The following AGBL4 variants were observed in gnomAD, a reference collection of about 807,000 sequenced individuals.
AGBL4 encodes the protein cytosolic carboxypeptidase 6.
In AGBL4, 58 loss-of-function variants were observed where a neutral mutation model predicts 66.4. The ratio of observed to expected loss-of-function variants is 0.87; its 90% confidence interval spans 0.71 to 1.09. AGBL4 has a LOEUF of 1.09. Ranked by LOEUF, AGBL4 falls within the 50% of genes least tolerant of loss-of-function variation. The pLI is 0.00. For missense variants in AGBL4, 579 were observed against 631.0 expected, an observed-to-expected ratio of 0.92 and a Z score of 0.88; for synonymous variants, 234 against 222.9, an observed-to-expected ratio of 1.05 and a Z score of -0.44.
intron 2 of AGBL4, among the ~76,000 whole-genome samples, chr1:49,832,243 G>A: frequency 6.6e-6 from 1 of 150,868 alleles, no homozygotes; most frequent in Non-Finnish European, 1.5e-5. Flanking sequence ...GAGAATATGT[G>A]GTGTTTGGTT....
intron 1 of AGBL4, among the ~76,000 whole-genome samples, chr1:49,987,068 A>G (rs1298245495): frequency 6.6e-6 from 1 of 152,048 alleles, no homozygotes; most frequent in Non-Finnish European, 1.5e-5. Flanking sequence ...GAAATGATCT[A>G]TGTATAATAC....
At chr1:49,507,045 C>G (rs1648753801) in intron 3 of AGBL4, among the ~76,000 whole-genome samples, 1 of 151,982 alleles carries the variant, frequency 6.6e-6, no homozygotes, top group Non-Finnish European at 1.5e-5. Context: ...CAGCTGAAGA[C>G]CTGTCTCAAG....
intron 5 of AGBL4, among the ~76,000 whole-genome samples, chr1:48,958,362 C>T (rs1400387274): frequency 6.6e-6 from 1 of 152,208 alleles, no homozygotes; most frequent in Admixed American, 6.5e-5. Flanking sequence ...TCTTCTGCCA[C>T]CATAGTATAG....
intron 3 of AGBL4, among the ~76,000 whole-genome samples, chr1:49,370,680 C>A (rs1304994266): frequency 2.0e-5 from 3 of 152,108 alleles, no homozygotes; most frequent in East Asian, 3.9e-4. Flanking sequence ...TTGTGTGCTT[C>A]CAGTTCTTCA....
intron 2 of AGBL4, among the ~76,000 whole-genome samples, chr1:49,755,417 C>T (rs1310648723): frequency 6.6e-6 from 1 of 152,182 alleles, no homozygotes; most frequent in African/African-American, 2.4e-5. Flanking sequence ...AGTTCTTTGA[C>T]TTTAATCCTT....
At chr1:48,627,347 G>A (rs147486215) in intron 9 of AGBL4, among the ~76,000 whole-genome samples, 32 of 151,942 alleles carry the variant, frequency 2.1e-4, no homozygotes, top group Non-Finnish European at 3.5e-4. Context: ...TTATGTATAC[G>A]TATTTTCTGT....
intron 3 of AGBL4, among the ~76,000 whole-genome samples, chr1:49,263,949 T>C (rs760500686): frequency 4.6e-5 from 7 of 152,292 alleles, no homozygotes; most frequent in Middle Eastern, 3.4e-3. Context: ...TTTGAGCATT[T>C]AAAATGAATG....
At chr1:49,135,825 A>T (rs1645999889) in intron 4 of AGBL4, among the ~76,000 whole-genome samples, 1 of 152,168 alleles carries the variant, frequency 6.6e-6, no homozygotes. Context: ...ACAGTGCTGC[A>T]GAGATTTTGT....
intron 2 of AGBL4, among the ~76,000 whole-genome samples, chr1:49,725,033 GA>G (rs915673479): frequency 9.2e-5 from 14 of 152,040 alleles, no homozygotes; most frequent in Non-Finnish European, 4.4e-5. Context: ...AGGGATGGGG[GA>G]GGGGAGGGAA....
intron 5 of AGBL4, among the ~76,000 whole-genome samples, chr1:49,021,198 A>G (rs577986659): frequency 2.0e-4 from 30 of 152,362 alleles, no homozygotes; most frequent in African/African-American, 6.7e-4. Flanking sequence ...AACAGTTGCT[A>G]GCTATGTGAG....
intron 9 of AGBL4, among the ~76,000 whole-genome samples, chr1:48,624,961 G>C (rs901490275): frequency 5.3e-5 from 8 of 151,702 alleles, no homozygotes; most frequent in African/African-American, 1.9e-4. Context: ...AGGCTGGAGG[G>C]CAATGGCGCG....
intron 5 of AGBL4, among the ~76,000 whole-genome samples, chr1:48,898,481 A>G (rs1233002436): frequency 6.6e-6 from 1 of 152,172 alleles, no homozygotes; most frequent in Non-Finnish European, 1.5e-5. Flanking sequence ...ATTTTTGTGT[A>G]TGGTGAGAGA....
At chr1:49,353,611 A>C (rs1261497010) in intron 3 of AGBL4, among the ~76,000 whole-genome samples, 1 of 152,080 alleles carries the variant, frequency 6.6e-6, no homozygotes, top group Non-Finnish European at 1.5e-5. Context: ...CCCACCTTCA[A>C]GCCTGGAAAC....
At chr1:49,601,951 C>T (rs776856052) in intron 3 of AGBL4, among the ~76,000 whole-genome samples, 14 of 152,050 alleles carry the variant, frequency 9.2e-5, no homozygotes, top group Non-Finnish European at 1.6e-4. Flanking sequence ...GCAATCTATC[C>T]ATCTGACAAA....
At chr1:49,534,155 G>T (rs1189733587) in intron 3 of AGBL4, among the ~76,000 whole-genome samples, 5 of 104,290 alleles carry the variant, frequency 4.8e-5, no homozygotes, top group Admixed American at 1.6e-4. Context: ...ATGAAGCAGG[G>T]ATCAACACCA....
chr1:49,787,267 C>G (rs980376782), intron 2 of AGBL4, among the ~76,000 whole-genome samples: 1 of 152,116 alleles, frequency 6.6e-6, no homozygotes, highest in Non-Finnish European at 1.5e-5. Context: ...CTTTGGGAGG[C>G]GGAGGCAGGT....
chr1:49,459,557 T>C (rs902089030), intron 3 of AGBL4, among the ~76,000 whole-genome samples: 2 of 151,738 alleles, frequency 1.3e-5, no homozygotes, highest in Non-Finnish European at 2.9e-5. Flanking sequence ...TCTCTTCTTT[T>C]CTTGGTTAAT....
intron 3 of AGBL4, among the ~76,000 whole-genome samples, chr1:49,693,443 T>C (rs1646926302): frequency 6.6e-6 from 1 of 152,076 alleles, no homozygotes; most frequent in Non-Finnish European, 1.5e-5. Flanking sequence ...TAACAGAAAA[T>C]TGTCTGTGAT....
intron 9 of AGBL4, among the ~76,000 whole-genome samples, chr1:48,619,008 A>G (rs1281223862): frequency 6.6e-6 from 1 of 151,796 alleles, no homozygotes; most frequent in Non-Finnish European, 1.5e-5. Context: ...ATGCATTTTA[A>G]AGCTAAAACA....
Sources: gnomAD v4.1 joint callset for allele counts (sites outside exome capture counted in the v4.1 genomes callset) on GRCh38, gnomAD v4.1.1 for gene constraint, MANE v1.5 for transcripts, NCBI Gene and HGNC (gene_info 2026-07-23, HGNC 2026-07-21) for gene names.